OR4F17: variants seen among roughly 807,000 people sequenced by gnomAD.
The protein encoded by OR4F17 is olfactory receptor family 4 subfamily F member 17.
For missense variants in OR4F17, 1 was observed against 323.6 expected (o/e 0.00, Z 7.65); for synonymous variants, 1 against 120.7 (o/e 0.01, Z 6.50).
intron 2 of OR4F17, among the ~76,000 whole-genome samples, chr19:110,002 T>C (rs1014820937): frequency 6.7e-6 from 1 of 149,228 alleles, no homozygotes; most frequent in Non-Finnish European, 1.5e-5. Context: ...TTCAAAATTT[T>C]TCAGTAGTTC....
intron 2 of OR4F17, among the ~76,000 whole-genome samples, chr19:109,020 T>C (rs1263529706): frequency 6.6e-6 from 1 of 151,286 alleles, no homozygotes; most frequent in African/African-American, 2.4e-5. Flanking sequence ...TACTGTTCTT[T>C]AAAAAACAGC....
At chr19:108,822 G>T (rs1262279504) in intron 2 of OR4F17, among the ~76,000 whole-genome samples, 1 of 152,192 alleles carries the variant, frequency 6.6e-6, no homozygotes, top group African/African-American at 2.4e-5. Flanking sequence ...GTGCTAAGCA[G>T]AAGAGAACTG....
intron 2 of OR4F17, among the ~76,000 whole-genome samples, chr19:107,763 A>G (rs1292526490): frequency 7.7e-6 from 1 of 130,232 alleles, no homozygotes; most frequent in Non-Finnish European, 1.6e-5. Context: ...TATATATTAT[A>G]TATACTATAT....
intron 2 of OR4F17, among the ~76,000 whole-genome samples, chr19:110,004 C>T (rs1254728290): frequency 6.7e-6 from 1 of 149,006 alleles, no homozygotes; most frequent in Non-Finnish European, 1.5e-5. Flanking sequence ...CAAAATTTTT[C>T]AGTAGTTCTT....
intron 2 of OR4F17, among the ~76,000 whole-genome samples, chr19:108,470 A>T (rs1174459992): frequency 6.6e-6 from 1 of 150,970 alleles, no homozygotes; most frequent in African/African-American, 2.4e-5. Context: ...CAAATTCAGG[A>T]GAGAGATGTC....
At position 110,744 on chromosome 19, in the gene OR4F17, G is replaced by C. The variant is rs1183400371; in HGVS notation, c.66G>C (p.Met22Ile). ...DSQGLQTFLFMLFFVFYGGIV... is the reference protein window; with the variant it reads ...DSQGLQTFLFILFFVFYGGIV... ...AGGGACTCCAGACCTTCCTATTTAT[G>C]TTGTTTTTTGTATTCTATGGAGGAA... is the stretch of plus-strand genomic sequence containing the variant. The change falls in exon 3 of 3, where the codon ATG becomes ATC. Residue 22 changes from methionine (M) to isoleucine (I), a missense_variant. Physicochemically the swap from Met to Ile is conservative, Grantham distance 10. Transcript: ENST00000585993. 1 of 1,611,660 alleles carries C rather than the reference G, an allele frequency of 6.2e-7. No homozygotes were observed. The highest frequency in any genetic ancestry group is 8.5e-7 in the Non-Finnish European group (1 of 1,179,726).
chr19:108,164 A>C (rs536416832), intron 2 of OR4F17, among the ~76,000 whole-genome samples: 105 of 123,366 alleles, frequency 8.5e-4, no homozygotes, highest in Non-Finnish European at 1.1e-3. Flanking sequence ...AAATATGTAT[A>C]ATATATATTA....
intron 2 of OR4F17, among the ~76,000 whole-genome samples, chr19:109,560 C>CA (rs1477306406): frequency 2.5e-5 from 3 of 122,308 alleles, no homozygotes; most frequent in Non-Finnish European, 3.5e-5. Context: ...CACATCTTGC[C>CA]AAAAAATATT....
chr19:107,762 T>A (rs1388207302), intron 2 of OR4F17, among the ~76,000 whole-genome samples: 1 of 130,080 alleles, frequency 7.7e-6, no homozygotes, highest in African/African-American at 2.9e-5. Context: ...ATATATATTA[T>A]ATATACTATA....
At chr19:107,932 T>TA (rs1968641849) in intron 2 of OR4F17, among the ~76,000 whole-genome samples, 3 of 79,686 alleles carry the variant, frequency 3.8e-5, no homozygotes, top group Non-Finnish European at 6.8e-5. Flanking sequence ...ATAATATATA[T>TA]ATTATTATAT....
At chr19:109,659 C>A (rs1193278115) in intron 2 of OR4F17, among the ~76,000 whole-genome samples, 2 of 138,240 alleles carry the variant, frequency 1.4e-5, no homozygotes, top group African/African-American at 5.2e-5. Context: ...CCAATCCTCA[C>A]AGAACTTCTA....
chr19:110,132 T>C (rs1249170062), intron 2 of OR4F17, among the ~76,000 whole-genome samples: 14 of 149,176 alleles, frequency 9.4e-5, no homozygotes, highest in African/African-American at 3.4e-4. Context: ...TTTTCCTCAC[T>C]TTTTCTCACT....
chr19:108,231 G>C (rs1396789172), intron 2 of OR4F17, among the ~76,000 whole-genome samples: 1 of 140,668 alleles, frequency 7.1e-6, no homozygotes, highest in African/African-American at 2.6e-5. Context: ...TCTAATGGTT[G>C]AATTCCAAGA....
At chr19:108,944 G>C (rs1310281790) in intron 2 of OR4F17, among the ~76,000 whole-genome samples, 1 of 151,688 alleles carries the variant, frequency 6.6e-6, no homozygotes, top group African/African-American at 2.4e-5. Flanking sequence ...TGCTTTGAGT[G>C]TGTAGGACTA....
At chr19:108,186 TTATATATTATATAAATA>T (rs1968654741) in intron 2 of OR4F17, among the ~76,000 whole-genome samples, 1 of 135,086 alleles carries the variant, frequency 7.4e-6, no homozygotes, top group African/African-American at 2.7e-5. Flanking sequence ...ATAAATATAT[TTATATATTATATAAATA>T]TATATATTAT....
intron 2 of OR4F17, among the ~76,000 whole-genome samples, chr19:110,022 T>C (rs1395156747): frequency 6.2e-3 from 896 of 145,130 alleles, no homozygotes; most frequent in African/African-American, 0.021. Flanking sequence ...CTTGTCTCTA[T>C]AATAAAACAG....
At chr19:107,863 A>T (rs1229500703) in intron 2 of OR4F17, among the ~76,000 whole-genome samples, 1 of 95,158 alleles carries the variant, frequency 1.1e-5, no homozygotes, top group African/African-American at 4.0e-5. Flanking sequence ...TATAATATAT[A>T]TTTTATTATA....
chr19:108,177 TA>T (rs1310819754), intron 2 of OR4F17, among the ~76,000 whole-genome samples: 1 of 136,108 alleles, frequency 7.3e-6, no homozygotes, highest in African/African-American at 2.7e-5. Flanking sequence ...ATATATTATA[TA>T]AATATATTTA....
intron 2 of OR4F17, among the ~76,000 whole-genome samples, chr19:109,895 T>C (rs796399371): frequency 1.3e-5 from 2 of 152,320 alleles, no homozygotes; most frequent in African/African-American, 4.8e-5. Flanking sequence ...AACCTGCAGT[T>C]ATTACCTACT....
Sources: gnomAD v4.1 joint callset for allele counts (sites outside exome capture counted in the v4.1 genomes callset) on GRCh38, gnomAD v4.1.1 for gene constraint, MANE v1.5 for transcripts, NCBI Gene and HGNC (gene_info 2026-07-23, HGNC 2026-07-21) for gene names.